SPAG16: variants seen among roughly 807,000 people sequenced by gnomAD.
The protein encoded by SPAG16 is sperm associated antigen 16.
SPAG16 carries 86 observed loss-of-function variants against 80.4 expected under a neutral mutation model. The observed-to-expected ratio is 1.07, with a 90% CI of 0.90 to 1.28. The LOEUF is 1.28. Ranked by LOEUF, SPAG16 falls within the 50% of genes most tolerant of loss-of-function variation. The probability of loss-of-function intolerance (pLI) is 0.00; values close to 1 mark genes in which losing one functional copy is unlikely to be tolerated. For synonymous variants in SPAG16, 294 were observed against 265.9 expected (o/e 1.11, Z -1.03); for missense variants, 870 against 765.3 (o/e 1.14, Z -1.61).
At chr2:213,673,654 A>C (rs1345558894) in intron 10 of SPAG16, among the ~76,000 whole-genome samples, 2 of 152,252 alleles carry the variant, frequency 1.3e-5, no homozygotes, top group Non-Finnish European at 2.9e-5. Flanking sequence ...TTATATTTGT[A>C]CAGGGTCAGT....
chr2:213,459,618 A>T (rs2072242719), intron 9 of SPAG16, among the ~76,000 whole-genome samples: 1 of 152,222 alleles, frequency 6.6e-6, no homozygotes, highest in South Asian at 2.1e-4. Context: ...CTTCAGCTTC[A>T]GTTGTAGTCC....
intron 15 of SPAG16, among the ~76,000 whole-genome samples, chr2:214,306,180 C>T (rs978014200): frequency 1.3e-5 from 2 of 152,016 alleles, no homozygotes; most frequent in Non-Finnish European, 1.5e-5. Context: ...CTTTCTTTGA[C>T]TGTTGTTGGT....
chr2:213,850,810 G>A (rs1169970087), intron 10 of SPAG16, among the ~76,000 whole-genome samples: 1 of 151,988 alleles, frequency 6.6e-6, no homozygotes, highest in African/African-American at 2.4e-5. Flanking sequence ...CTGCTTATTT[G>A]CTTATATGTT....
intron 14 of SPAG16, among the ~76,000 whole-genome samples, chr2:214,139,601 T>G (rs759804515): frequency 6.6e-6 from 1 of 152,134 alleles, no homozygotes; most frequent in Non-Finnish European, 1.5e-5. Context: ...AATTACAAAT[T>G]TTTATTAATA....
intron 10 of SPAG16, among the ~76,000 whole-genome samples, chr2:213,744,174 A>G (rs1321835744): frequency 6.6e-6 from 1 of 152,080 alleles, no homozygotes; most frequent in Non-Finnish European, 1.5e-5. Flanking sequence ...GATATGTATT[A>G]ATATTTGGAC....
intron 10 of SPAG16, among the ~76,000 whole-genome samples, chr2:213,714,232 G>A (rs1432135111): frequency 1.3e-5 from 2 of 152,170 alleles, no homozygotes; most frequent in Admixed American, 1.3e-4. Context: ...TGTGTCTCAG[G>A]ATGTGCAGTG....
chr2:214,272,960 C>G (rs1692149471), intron 15 of SPAG16, among the ~76,000 whole-genome samples: 1 of 152,150 alleles, frequency 6.6e-6, no homozygotes, highest in South Asian at 2.1e-4. Context: ...CCTGCTGTTT[C>G]CTGACTTTTT....
intron 15 of SPAG16, among the ~76,000 whole-genome samples, chr2:214,322,484 G>T (rs1696166322): frequency 7.0e-6 from 1 of 143,320 alleles, no homozygotes; most frequent in Non-Finnish European, 1.5e-5. Flanking sequence ...TTTCTAATTT[G>T]CATACAGAAA....
chr2:214,370,690 T>C (rs1220516114), intron 15 of SPAG16, among the ~76,000 whole-genome samples: 2 of 152,168 alleles, frequency 1.3e-5, no homozygotes, highest in Non-Finnish European at 2.9e-5. Flanking sequence ...GTTGCATTCA[T>C]AGAAGCAGAG....
intron 15 of SPAG16, among the ~76,000 whole-genome samples, chr2:214,190,873 G>A (rs955372271): frequency 1.3e-5 from 2 of 152,160 alleles, no homozygotes; most frequent in Non-Finnish European, 2.9e-5. Flanking sequence ...ATAAACTGTT[G>A]TTGTTTATCA....
At chr2:214,136,172 C>A (rs1014189449) in intron 14 of SPAG16, among the ~76,000 whole-genome samples, 3 of 152,074 alleles carry the variant, frequency 2.0e-5, no homozygotes, top group Non-Finnish European at 4.4e-5. Flanking sequence ...TGATAACAAA[C>A]CATTCATGAG....
chr2:213,706,707 T>C (rs1369127502), intron 10 of SPAG16, among the ~76,000 whole-genome samples: 1 of 152,056 alleles, frequency 6.6e-6, no homozygotes, highest in Non-Finnish European at 1.5e-5. Context: ...CACTAAAACT[T>C]AGTTTTTCGG....
rs114090244 is a variant in SPAG16, at chr2:213,962,820, T to C, written c.1400+32675T>C. Among the ~76,000 whole-genome samples, 1,487 of 152,344 alleles carry C rather than the reference T, an allele frequency of 9.8e-3. 31 individuals carry two copies. The highest frequency in any genetic ancestry group is 0.034 in the African/African-American group (1,413 of 41,572). ...TTCCTAGAAATGTATCCATTTAATC[T>C]AAGTTGTCTATCATAGTACTTTGTC... On this transcript the variant is annotated intron_variant, in intron 12 of 15. Coordinates refer to ENST00000331683, the MANE Select transcript of SPAG16 (RefSeq NM_024532.5).
chr2:213,422,039 C>T (rs2069625673), intron 9 of SPAG16: 1 of 584,542 alleles, frequency 1.7e-6, no homozygotes, highest in Admixed American at 2.9e-5. Context: ...CTCATTCTTC[C>T]TGGATGTGGA....
At chr2:213,507,027 C>A (rs1463939143) in intron 10 of SPAG16, among the ~76,000 whole-genome samples, 7 of 152,152 alleles carry the variant, frequency 4.6e-5, no homozygotes, top group African/African-American at 1.7e-4. Context: ...TAGGCAAATG[C>A]CTCCCTGTGT....
chr2:213,827,568 C>G (rs533824508), intron 10 of SPAG16, among the ~76,000 whole-genome samples: 1 of 152,228 alleles, frequency 6.6e-6, no homozygotes, highest in East Asian at 1.9e-4. Context: ...ACCACAATTA[C>G]AATGTGATAA....
At chr2:213,752,779 G>A (rs182582625) in intron 10 of SPAG16, among the ~76,000 whole-genome samples, 10 of 152,242 alleles carry the variant, frequency 6.6e-5, no homozygotes, top group Admixed American at 2.0e-4. Flanking sequence ...CGGTGTGGTG[G>A]GGGAGTTTCC....
intron 3 of SPAG16, among the ~76,000 whole-genome samples, chr2:213,299,045 G>T (rs1003026290): frequency 6.6e-5 from 10 of 151,988 alleles, no homozygotes. Context: ...CTTATTGCTT[G>T]TTAAATCCAT....
intron 12 of SPAG16, among the ~76,000 whole-genome samples, chr2:213,993,249 CTGACATAATTCACCCT>C (rs1337396505): frequency 1.3e-5 from 2 of 152,152 alleles, no homozygotes; most frequent in African/African-American, 2.4e-5. Flanking sequence ...AATTGATTGC[CTGACATAATTCACCCT>C]TTTCAGACCC....
Sources: gnomAD v4.1 joint callset for allele counts (sites outside exome capture counted in the v4.1 genomes callset) on GRCh38, gnomAD v4.1.1 for gene constraint, MANE v1.5 for transcripts, NCBI Gene and HGNC (gene_info 2026-07-23, HGNC 2026-07-21) for gene names.